Variants in EGF observed in about 807,000 individuals in gnomAD.
EGF encodes the protein epidermal growth factor.
Under a neutral mutation model 143.8 loss-of-function variants are expected in EGF, and 95 were observed. That is an observed-to-expected ratio of 0.66 (90% CI 0.56 to 0.78). The LOEUF is 0.78. Among genes scored for constraint, EGF ranks in the 30% least tolerant of loss-of-function variants. The pLI is 0.00. For missense variants in EGF, 1,320 were observed against 1,470.9 expected (o/e 0.90, Z 1.68); for synonymous variants, 510 against 510.5 (o/e 1.00, Z 0.01).
chr4:109,979,962 T>C lies in EGF; in HGVS notation c.2054-10T>C. 1 of 1,613,878 alleles carries C rather than the reference T, an allele frequency of 6.2e-7. No homozygotes were observed. Among genetic ancestry groups the C allele is most frequent in the Non-Finnish European group, 8.5e-7 (1 of 1,179,846 alleles). Reference sequence around the variant, plus strand: ...AGAAGGTGTATTTAACAAACTTGAATTGTTTCCAGGTCACCCATTTGCTGT... The same window carrying C: ...AGAAGGTGTATTTAACAAACTTGAACTGTTTCCAGGTCACCCATTTGCTGT... On this transcript the variant is annotated splice_polypyrimidine_tract_variant and intron_variant, in intron 13 of 23. Transcript: ENST00000265171.
chr4:109,990,936 C>A (rs375758677), intron 18 of EGF, among the ~76,000 whole-genome samples: 2 of 152,166 alleles, frequency 1.3e-5, no homozygotes, highest in South Asian at 2.1e-4. Context: ...ATGCTTTCTT[C>A]AAATACAGTC....
chr4:109,951,723 A>C (rs1321151144), intron 5 of EGF, among the ~76,000 whole-genome samples: 1 of 152,214 alleles, frequency 6.6e-6, no homozygotes, highest in African/African-American at 2.4e-5. Context: ...TACCCTGTTG[A>C]AGGTCACAGG....
Position 109,913,279 on chromosome 4 carries a change from G to A in EGF, c.-57G>A. 1.2e-6 allele frequency: 2 copies of A among 1,608,048 alleles called. No homozygotes were observed. Among genetic ancestry groups the A allele is most frequent in the Non-Finnish European group, 8.5e-7 (1 of 1,176,600 alleles). On this transcript the variant is annotated 5_prime_UTR_variant, in exon 1 of 24. Coordinates refer to ENST00000265171, the MANE Select transcript of EGF (RefSeq NM_001963.6). Reference sequence around the variant, plus strand: ...GGTCAATCATACTCACCTTGCCCGGGCCATGCTCCAGCAAAATCAAGCTGT... The same window carrying A: ...GGTCAATCATACTCACCTTGCCCGGACCATGCTCCAGCAAAATCAAGCTGT...
At chr4:109,925,807 T>A (rs188883609) in intron 1 of EGF, among the ~76,000 whole-genome samples, 82 of 152,286 alleles carry the variant, frequency 5.4e-4, no homozygotes, top group African/African-American at 1.9e-3. Context: ...TATAAGTGTA[T>A]TCAGCAGTGG....
At position 109,913,434 on chromosome 4, in the gene EGF, C is replaced by G. The variant is rs544759335; in HGVS notation, c.99C>G (p.Leu33=). The G allele has an allele frequency of 6.2e-7, 1 of 1,613,872 alleles. No homozygotes were observed. The highest frequency in any genetic ancestry group is 8.5e-7 in the Non-Finnish European group (1 of 1,179,898). ...ACTGGAGCTGTCCTGAAGGTACTCT[C>G]GCAGGAAATGGGAATTCTACTTGTG... ...PQHWSCPEGT[L]AGNGNSTCVG... is the part of the protein sequence containing the mutation. Residue 33 remains leucine (L), a synonymous_variant, in exon 1 of 24, where the codon CTC becomes CTG. Coordinates refer to ENST00000265171, the MANE Select transcript of EGF (RefSeq NM_001963.6).
intron 7 of EGF, among the ~76,000 whole-genome samples, chr4:109,961,204 A>C (rs893303832): frequency 5.9e-5 from 9 of 152,102 alleles, no homozygotes; most frequent in Non-Finnish European, 1.0e-4. Flanking sequence ...AAAAAAAAAA[A>C]ACTTAGCCAG....
At position 109,915,702 on chromosome 4, in the gene EGF, C is replaced by T. The variant is rs554857565; in HGVS notation, c.127+2240C>T. Among the ~76,000 whole-genome samples the T allele has an allele frequency of 1.3e-3, 201 of 152,330 alleles. 3 individuals are homozygous for T. The highest frequency in any genetic ancestry group is 4.7e-3 in the African/African-American group (196 of 41,572). On this transcript the variant is annotated intron_variant, in intron 1 of 23. Transcript: ENST00000265171. ...ATGGTGCCATCATCTATTTTTCCCT[C>T]ATTTAAATTCTACTTGCCTTATTTC...
At chr4:109,959,251 A>T in intron 5 of EGF, 61 bp from the exon 6 acceptor site, 2 of 1,610,444 alleles carry the variant, frequency 1.2e-6, no homozygotes, top group South Asian at 2.2e-5. Flanking sequence ...TCAGGAAAAG[A>T]TTTAGCAGTG....
At chr4:110,009,583 C>T (rs1753743907) in intron 23 of EGF, among the ~76,000 whole-genome samples, 1 of 151,928 alleles carries the variant, frequency 6.6e-6, no homozygotes, top group South Asian at 2.1e-4. Flanking sequence ...TTTTTTTCCC[C>T]CCGCACTGTA....
At chr4:109,929,910 A>T (rs2125969509) in intron 1 of EGF, among the ~76,000 whole-genome samples, 1 of 152,188 alleles carries the variant, frequency 6.6e-6, no homozygotes, top group South Asian at 2.1e-4. Flanking sequence ...TTCCATCTTG[A>T]ATTGTAATCC....
chr4:109,981,651 T>G (rs1437226577), intron 15 of EGF, among the ~76,000 whole-genome samples: 1 of 152,176 alleles, frequency 6.6e-6, no homozygotes, highest in African/African-American at 2.4e-5. Context: ...AAATTTATAT[T>G]TATCTGGTAG....
chr4:109,963,248 G>A lies in EGF; in HGVS notation c.1388G>A (p.Cys463Tyr). The A allele has an allele frequency of 6.2e-7, 1 of 1,614,002 alleles. No homozygotes were observed. The highest frequency in any genetic ancestry group is 8.5e-7 in the Non-Finnish European group (1 of 1,179,948). The stretch of plus-strand genomic sequence containing the variant: ...AGCCCAGTATCCTGGGAATGTGATT[G>A]CTTTCCTGGGTATGACCTACAACTG... ...PLSPVSWECD[C>Y]FPGYDLQLDE... The change falls in exon 9 of 24, where the codon TGC (cysteine) becomes TAC (tyrosine). Residue 463 changes from cysteine to tyrosine, a missense_variant. By Grantham distance (194) the Cys-to-Tyr change is radical. Transcript: ENST00000265171.
rs528380745 is a variant in EGF, at chr4:109,995,051, G to A, written c.3005+171G>A. ...GTGTGCACTTCATTGCATGCTCCTT[G>A]TGTATCACGATGCCCCCTTCTAGTT... On this transcript the variant is annotated intron_variant, in intron 20 of 23. Coordinates refer to ENST00000265171, the MANE Select transcript of EGF (RefSeq NM_001963.6). 1.2e-3 allele frequency among the ~76,000 whole-genome samples: 188 copies of A among 152,252 alleles called. 1 individual carries two copies. Among genetic ancestry groups the A allele is most frequent in the Non-Finnish European group, 1.6e-3 (108 of 68,008 alleles).
chr4:109,954,077 A>C (rs961551344), intron 5 of EGF, among the ~76,000 whole-genome samples: 6 of 152,256 alleles, frequency 3.9e-5, no homozygotes, highest in African/African-American at 1.4e-4. Flanking sequence ...TTTGAGACGG[A>C]GTCTCGCTCT....
chr4:109,949,042 A>G (rs879480665), intron 5 of EGF, among the ~76,000 whole-genome samples: 4 of 152,140 alleles, frequency 2.6e-5, no homozygotes, highest in Non-Finnish European at 2.9e-5. Flanking sequence ...CTAAGCTATC[A>G]TTTATCAAAG....
chr4:109,980,113 T>C lies in EGF; in HGVS notation c.2195T>C (p.Val732Ala). 1 of 1,611,814 alleles carries C rather than the reference T, an allele frequency of 6.2e-7. No individual in the cohort carries two copies. The highest frequency in any genetic ancestry group is 8.5e-7 in the Non-Finnish European group (1 of 1,178,896). ...QGSMLKPSSL[V>A]VVHPLAKPGA... is the part of the protein sequence containing the mutation. ...AGCATGCTGAAGCCCTCATCACTGG[T>C]TGTGGTTCATCCATTGGCAAAACCA... Residue 732 changes from valine to alanine, a missense_variant, in exon 14 of 24, where the codon GTT becomes GCT. Physicochemically the swap from Val to Ala is moderately conservative, Grantham distance 64 (BLOSUM62 0). This residue lies in a region of EGF where 1,186 missense variants were observed against 1,313.7 expected (regional missense o/e 0.90). Coordinates refer to ENST00000265171, the MANE Select transcript of EGF (RefSeq NM_001963.6).
intron 13 of EGF, among the ~76,000 whole-genome samples, chr4:109,979,316 G>A (rs1449122509): frequency 6.6e-6 from 1 of 152,122 alleles, no homozygotes; most frequent in Non-Finnish European, 1.5e-5. Flanking sequence ...AACAAAGCTA[G>A]TGGAATGAAG....
At chr4:109,928,997 T>G (rs1161769894) in intron 1 of EGF, among the ~76,000 whole-genome samples, 2 of 152,160 alleles carry the variant, frequency 1.3e-5, no homozygotes, top group Non-Finnish European at 2.9e-5. Context: ...ATTATAGAAG[T>G]AGATATAAAA....
At chr4:109,943,778 G>A (rs1742337943) in intron 3 of EGF, 64 bp from the exon 4 acceptor site, 3 of 1,383,582 alleles carry the variant, frequency 2.2e-6, no homozygotes, top group Admixed American at 1.7e-5. Flanking sequence ...GAAACATTGA[G>A]AGAGTTGGCC....
Sources: allele counts gnomAD v4.1 joint callset (sites outside exome capture counted in the v4.1 genomes callset), GRCh38; gene constraint gnomAD v4.1.1; regional missense constraint gnomAD v4.1.1; transcripts MANE v1.5; gene names NCBI Gene and HGNC (gene_info 2026-07-23, HGNC 2026-07-21).